KMT2C: variants seen among roughly 807,000 people sequenced by gnomAD.
KMT2C encodes histone-lysine N-methyltransferase 2C.
A neutral mutation model predicts 507.9 loss-of-function variants in KMT2C; 88 were observed. That is an observed-to-expected ratio of 0.17 (90% CI 0.15 to 0.21). KMT2C has a LOEUF of 0.21. KMT2C is among the 10% of genes least tolerant of loss of function. KMT2C has a pLI of 1.00. For missense variants in KMT2C, 4,954 were observed against 5,957.8 expected (o/e 0.83, Z 5.55); for synonymous variants, 2,049 against 2,080.8 (o/e 0.98, Z 0.42).
rs544435078 is a variant in KMT2C, at chr7:152,360,437, C to A, written c.162-1762G>T. 8.6e-5 allele frequency among the ~76,000 whole-genome samples: 13 copies of A among 151,938 alleles called. No individual in the cohort carries two copies. In the South Asian group the frequency reaches 2.5e-3, roughly 29 times the overall value. On this transcript the variant is annotated intron_variant, in intron 1 of 58. Transcript: ENST00000262189. ...GAGGTGCAGTGAGCCGAGATCACACCATTGCACTCCAGCCTGGGCAACAAG... is the reference window on the plus strand; with the variant it reads ...GAGGTGCAGTGAGCCGAGATCACACAATTGCACTCCAGCCTGGGCAACAAG...
intron 3 of KMT2C, among the ~76,000 whole-genome samples, chr7:152,319,400 A>C (rs1336414064): frequency 6.6e-6 from 1 of 152,176 alleles, no homozygotes. Context: ...GTGAGAAGTG[A>C]CCAGAAGACA....
At chr7:152,229,337 A>T (rs1462876523) in intron 18 of KMT2C, among the ~76,000 whole-genome samples, 1 of 152,136 alleles carries the variant, frequency 6.6e-6, no homozygotes, top group African/African-American at 2.4e-5. Flanking sequence ...CCTTAGATAC[A>T]ACTAGTGAAG....
At chr7:152,312,579 A>T (rs1023951612) in intron 4 of KMT2C, among the ~76,000 whole-genome samples, 1 of 152,230 alleles carries the variant, frequency 6.6e-6, no homozygotes, top group African/African-American at 2.4e-5. Context: ...AATTGGAAGT[A>T]AAAAGCAAAA....
At chr7:152,295,827 G>A (rs1264113620) in intron 6 of KMT2C, among the ~76,000 whole-genome samples, 1 of 152,136 alleles carries the variant, frequency 6.6e-6, no homozygotes, top group Non-Finnish European at 1.5e-5. Context: ...AGCACTTTGG[G>A]AGGCCGAGGC....
chr7:152,325,890 A>G (rs1426089286), intron 3 of KMT2C, among the ~76,000 whole-genome samples: 1 of 151,746 alleles, frequency 6.6e-6, no homozygotes, highest in Non-Finnish European at 1.5e-5. Flanking sequence ...ACTGGAGTAG[A>G]CATGAATAAA....
At chr7:152,217,300 T>C (rs919773651) in intron 23 of KMT2C, among the ~76,000 whole-genome samples, 1 of 152,182 alleles carries the variant, frequency 6.6e-6, no homozygotes, top group Non-Finnish European at 1.5e-5. Context: ...ATTTTAGGGG[T>C]GTGTGTGTAC....
chr7:152,290,248 G>GTGTA (rs1554617122), intron 6 of KMT2C, among the ~76,000 whole-genome samples: 9 of 85,644 alleles, frequency 1.1e-4, no homozygotes, highest in African/African-American at 4.6e-4. Flanking sequence ...GTGTGTGTGT[G>GTGTA]TGTGTATGTG....
intron 9 of KMT2C, 58 bp from the exon 10 acceptor site, chr7:152,252,773 T>A: frequency 7.8e-7 from 1 of 1,274,158 alleles, no homozygotes; most frequent in Non-Finnish European, 1.1e-6. Context: ...TAATTGTAGT[T>A]CTGATGTAAA....
At chr7:152,179,288 G>A (rs181299284) in intron 37 of KMT2C, among the ~76,000 whole-genome samples, 48 of 152,320 alleles carry the variant, frequency 3.2e-4, no homozygotes, top group Middle Eastern at 3.4e-3. Flanking sequence ...GAGCCACTGC[G>A]CCCAGCCTAA....
intron 3 of KMT2C, among the ~76,000 whole-genome samples, chr7:152,329,640 G>C (rs1360518392): frequency 6.6e-6 from 1 of 150,618 alleles, no homozygotes; most frequent in Non-Finnish European, 1.5e-5. Context: ...GGAAACGAAG[G>C]GAGGAAGGAG....
At chr7:152,331,944 C>T (rs1439642409) in intron 2 of KMT2C, among the ~76,000 whole-genome samples, 8 of 150,882 alleles carry the variant, frequency 5.3e-5, no homozygotes, top group South Asian at 4.2e-4. Context: ...CCACTGTGCC[C>T]GGCCAAAAAA....
Position 152,144,701 on chromosome 7 carries a change from G to A in KMT2C, c.14343+12C>T, listed in dbSNP as rs2129092625. The A allele has an allele frequency of 1.2e-6, 2 of 1,610,952 alleles. No homozygotes were observed. The highest frequency in any genetic ancestry group is 1.7e-6 in the Non-Finnish European group (2 of 1,177,674). On this transcript the variant is annotated intron_variant, in intron 55 of 58. Coordinates refer to ENST00000262189, the MANE Select transcript of KMT2C (RefSeq NM_170606.3). This position sits in a 1 kb window ranked among gnomAD's most constrained non-coding sequence, Gnocchi z 4.4. ...TGTCTCTCCACTTCCTGTACACAAAGTATTTCTTCACCTGAATCCGAGACC... is the reference window on the plus strand; with the variant it reads ...TGTCTCTCCACTTCCTGTACACAAAATATTTCTTCACCTGAATCCGAGACC...
intron 3 of KMT2C, among the ~76,000 whole-genome samples, chr7:152,329,364 A>C (rs1238825276): frequency 6.6e-6 from 1 of 152,054 alleles, no homozygotes; most frequent in Non-Finnish European, 1.5e-5. Flanking sequence ...CAGGAGTTCC[A>C]GACCAACCTG....
intron 1 of KMT2C, among the ~76,000 whole-genome samples, chr7:152,381,276 A>T (rs1217640017): frequency 6.7e-6 from 1 of 148,652 alleles, no homozygotes; most frequent in African/African-American, 2.5e-5. Context: ...ATGGTTCTTA[A>T]CTGGGGAGAG....
chr7:152,367,460 T>C, intron 1 of KMT2C: 4 of 762,790 alleles, frequency 5.2e-6, no homozygotes, highest in East Asian at 4.9e-5. Flanking sequence ...TCAAACAATC[T>C]ACCCACCTCG....
intron 1 of KMT2C, among the ~76,000 whole-genome samples, chr7:152,420,860 T>A (rs1589929817): frequency 6.8e-6 from 1 of 147,886 alleles, no homozygotes; most frequent in Admixed American, 6.8e-5. Flanking sequence ...ATATACAGAA[T>A]CTGTAAGGAA....
intron 23 of KMT2C, among the ~76,000 whole-genome samples, chr7:152,215,088 T>C (rs1325859311): frequency 6.6e-6 from 1 of 150,932 alleles, no homozygotes; most frequent in Non-Finnish European, 1.5e-5. Flanking sequence ...AAAAAAAAAC[T>C]GTATCCTACC....
chr7:152,420,425 A>G (rs1018409585), intron 1 of KMT2C, among the ~76,000 whole-genome samples: 2 of 152,192 alleles, frequency 1.3e-5, no homozygotes, highest in Non-Finnish European at 2.9e-5. Context: ...CATCATCCCT[A>G]TCTCCAGTGT....
intron 51 of KMT2C, among the ~76,000 whole-genome samples, chr7:152,149,747 G>A (rs2091450716): frequency 1.3e-5 from 2 of 152,054 alleles, no homozygotes; most frequent in South Asian, 4.2e-4. Flanking sequence ...TGAGCTGAGG[G>A]GAAATCTCCA....
Sources: gnomAD v4.1 joint callset for allele counts (sites outside exome capture counted in the v4.1 genomes callset) on GRCh38, gnomAD v4.1.1 for gene constraint, Gnocchi (gnomAD v3.1) non-coding constraint, MANE v1.5 for transcripts, NCBI Gene and HGNC (gene_info 2026-07-23, HGNC 2026-07-21) for gene names.